The following DSCAM variants were observed in gnomAD, a reference collection of about 807,000 sequenced individuals.
DSCAM encodes the protein cell adhesion molecule DSCAM.
In DSCAM, 47 loss-of-function variants were observed where a neutral mutation model predicts 217.7. The ratio of observed to expected loss-of-function variants is 0.22; its 90% CI spans 0.17 to 0.28. The LOEUF (loss-of-function observed/expected upper bound fraction) is 0.28. DSCAM is among the 10% of genes least tolerant of loss of function. The probability of loss-of-function intolerance (pLI) is 1.00; values close to 1 mark genes in which losing one functional copy is unlikely to be tolerated. For missense variants in DSCAM, 2,080 were observed against 2,618.3 expected (o/e 0.79, Z 4.49); for synonymous variants, 1,056 against 1,015.3 (o/e 1.04, Z -0.76).
intron 3 of DSCAM, among the ~76,000 whole-genome samples, chr21:40,400,501 G>GT (rs1197457661): frequency 1.3e-5 from 2 of 152,140 alleles, no homozygotes; most frequent in African/African-American, 4.8e-5. Context: ...ACTGAGGTAA[G>GT]TTTTTTTTCT....
chr21:40,040,439 C>T (rs908147515), intron 32 of DSCAM, among the ~76,000 whole-genome samples: 7 of 152,156 alleles, frequency 4.6e-5, no homozygotes, highest in African/African-American at 1.7e-4. Flanking sequence ...GTCTTTTAAC[C>T]TAGAAGCTCA....
chr21:40,339,281 T>C lies in DSCAM; in HGVS notation c.1345A>G (p.Lys449Glu). 1 of 1,614,152 alleles carries C rather than the reference T, an allele frequency of 6.2e-7. No individual in the cohort carries two copies. The highest frequency in any genetic ancestry group is 8.5e-7 in the Non-Finnish European group (1 of 1,180,026). The change falls in exon 7 of 33, where the codon AAG becomes GAG. Residue 449 changes from lysine to glutamate, a missense_variant. Transcript: ENST00000400454. ...TWTLDDDPIL[K>E]GGSHRISQMI... Reference sequence around the variant, plus strand: ...TGGCTGATGCGGTGACTGCCACCCTTGAGAATCGGGTCATCGTCCAGGGTC... The same window carrying C: ...TGGCTGATGCGGTGACTGCCACCCTCGAGAATCGGGTCATCGTCCAGGGTC...
chr21:40,159,725 G>A (rs1049586412), intron 16 of DSCAM, among the ~76,000 whole-genome samples: 3 of 152,076 alleles, frequency 2.0e-5, no homozygotes, highest in Non-Finnish European at 2.9e-5. Flanking sequence ...TGCGACTATA[G>A]GCATGATCCA....
chr21:40,679,270 A>C (rs548601375), intron 3 of DSCAM, among the ~76,000 whole-genome samples: 1 of 152,372 alleles, frequency 6.6e-6, no homozygotes, highest in South Asian at 2.1e-4. Context: ...CACTCCATAA[A>C]CATGTATTAA....
intron 3 of DSCAM, among the ~76,000 whole-genome samples, chr21:40,644,609 G>C (rs1049385109): frequency 6.6e-6 from 1 of 152,108 alleles, no homozygotes; most frequent in African/African-American, 2.4e-5. Context: ...GCCTCGAAAG[G>C]GCACCTAGGG....
At chr21:40,363,946 A>G (rs1471708236) in intron 4 of DSCAM, among the ~76,000 whole-genome samples, 2 of 152,228 alleles carry the variant, frequency 1.3e-5, no homozygotes, top group Non-Finnish European at 1.5e-5. Context: ...ATCACTGGCC[A>G]TTAGAGAAAT....
At chr21:40,214,288 TACTC>T (rs2091217994) in intron 11 of DSCAM, among the ~76,000 whole-genome samples, 2 of 152,226 alleles carry the variant, frequency 1.3e-5, no homozygotes, top group Admixed American at 1.3e-4. Flanking sequence ...AAGACATTCT[TACTC>T]AGTCATAGTT....
intron 9 of DSCAM, among the ~76,000 whole-genome samples, chr21:40,296,978 T>C (rs556394145): frequency 2.4e-4 from 37 of 151,692 alleles, no homozygotes; most frequent in African/African-American, 8.7e-4. Flanking sequence ...AAGTGAGAAA[T>C]AACAGGCACC....
rs543994146 is a variant in DSCAM at position 40,398,858 on chromosome 21, G to A, written c.509-29613C>T. Among the ~76,000 whole-genome samples the A allele has an allele frequency of 3.7e-4, 57 of 152,092 alleles. 1 individual carries two copies. The South Asian group carries it at 4.4e-3, about 12-fold the overall frequency. ...CCACCTCTGCCTCCCAAAATGCTGG[G>A]ATTACAGGTGTCAGCCACCGCACCC... On this transcript the variant is annotated intron_variant, in intron 3 of 32. Transcript: ENST00000400454.
chr21:40,495,547 G>T (rs1029968808), intron 3 of DSCAM, among the ~76,000 whole-genome samples: 1 of 152,032 alleles, frequency 6.6e-6, no homozygotes, highest in African/African-American at 2.4e-5. Context: ...ACAATAAAGG[G>T]CATATGTGAC....
rs201687573 is a variant in DSCAM at position 40,037,270 on chromosome 21, T to C, written c.5686+5101A>G. ...ATGATTGTATATCTAGAAAACCCCA[T>C]TGTCTCAGCCCAAAATCTCCTTAAG... On this transcript the variant is annotated intron_variant, in intron 32 of 32. Coordinates refer to ENST00000400454, the MANE Select transcript of DSCAM (RefSeq NM_001389.5). Among the ~76,000 whole-genome samples, 103 of 148,956 alleles carry C rather than the reference T, an allele frequency of 6.9e-4. 3 individuals carry two copies. In the South Asian group the frequency reaches 0.018, roughly 26 times the overall value.
At chr21:40,057,150 T>C (rs891579855) in intron 28 of DSCAM, among the ~76,000 whole-genome samples, 11 of 152,194 alleles carry the variant, frequency 7.2e-5, no homozygotes, top group Admixed American at 7.2e-4. Flanking sequence ...TGAACCAGAT[T>C]GCTTGCTCTG....
rs1446245831 is a variant in DSCAM at position 40,730,561 on chromosome 21, A to C, written c.44-21790T>G. 2.0e-5 allele frequency among the ~76,000 whole-genome samples: 3 copies of C among 152,242 alleles called. No individual in the cohort carries two copies. In the South Asian group the frequency reaches 6.2e-4, roughly 32 times the overall value. On this transcript the variant is annotated intron_variant, in intron 1 of 32. Transcript: ENST00000400454. ...AGACATAACTGTTCTAAGATTTTAT[A>C]AGCAGAAAATAACGCCCATAGCATC... is the stretch of plus-strand genomic sequence containing the variant.
intron 3 of DSCAM, among the ~76,000 whole-genome samples, chr21:40,548,673 A>G (rs1190656853): frequency 2.0e-5 from 3 of 152,172 alleles, no homozygotes; most frequent in Non-Finnish European, 4.4e-5. Flanking sequence ...CTCAATTTGC[A>G]AAATTGAATA....
chr21:40,732,544 G>A (rs1273844553), intron 1 of DSCAM, among the ~76,000 whole-genome samples: 2 of 152,196 alleles, frequency 1.3e-5, no homozygotes, highest in Non-Finnish European at 2.9e-5. Context: ...CCTGACTGAT[G>A]TGGACAAGGT....
At chr21:40,123,650 ACTGCTGTAACT>A (rs1439375883) in intron 20 of DSCAM, among the ~76,000 whole-genome samples, 2 of 152,144 alleles carry the variant, frequency 1.3e-5, no homozygotes, top group African/African-American at 4.8e-5. Flanking sequence ...AACCAGGCTG[ACTGCTGTAACT>A]GTAAGGGTAA....
chr21:40,277,174 G>C (rs2073698344), intron 10 of DSCAM, among the ~76,000 whole-genome samples: 1 of 152,034 alleles, frequency 6.6e-6, no homozygotes, highest in Non-Finnish European at 1.5e-5. Context: ...GGGGACTTGA[G>C]GGGAAAGCTC....
chr21:40,555,932 T>C (rs4818143), intron 3 of DSCAM, among the ~76,000 whole-genome samples: 78,067 of 152,008 alleles, frequency 0.51, 20,194 homozygotes, highest in Admixed American at 0.57. Flanking sequence ...AGCCACCATA[T>C]ACAGCTCAAC....
chr21:40,234,547 T>C (rs2091409172), intron 11 of DSCAM, among the ~76,000 whole-genome samples: 1 of 152,198 alleles, frequency 6.6e-6, no homozygotes, highest in South Asian at 2.1e-4. Context: ...ATAAGGAATA[T>C]GAAAATTCTG....
Sources: allele counts gnomAD v4.1 joint callset (sites outside exome capture counted in the v4.1 genomes callset), GRCh38; gene constraint gnomAD v4.1.1; transcripts MANE v1.5; gene names NCBI Gene and HGNC (gene_info 2026-07-23, HGNC 2026-07-21).